The following VSTM2L variants were observed in gnomAD, a reference collection of about 807,000 sequenced individuals.
VSTM2L encodes the protein V-set and transmembrane domain-containing protein 2-like protein.
VSTM2L carries 9 observed loss-of-function variants against 19.9 expected under a neutral mutation model. The ratio of observed to expected loss-of-function variants is 0.45; its 90% CI spans 0.27 to 0.79. VSTM2L has a LOEUF of 0.79. VSTM2L is among the 30% of genes least tolerant of loss of function. VSTM2L has a pLI of 0.15. For synonymous variants in VSTM2L, 127 were observed against 133.8 expected, an observed-to-expected ratio of 0.95 and a Z score of 0.35; for missense variants, 286 against 295.5, an observed-to-expected ratio of 0.97 and a Z score of 0.24.
chr20:37,911,378 T>C (rs1201077679), intron 1 of VSTM2L, among the ~76,000 whole-genome samples: 1 of 152,070 alleles, frequency 6.6e-6, no homozygotes, highest in Non-Finnish European at 1.5e-5. Context: ...TACCCGTTAT[T>C]AGCTGGGGAT....
intron 1 of VSTM2L, among the ~76,000 whole-genome samples, chr20:37,911,947 G>A (rs761479846): frequency 6.6e-6 from 1 of 152,140 alleles, no homozygotes; most frequent in East Asian, 1.9e-4. Flanking sequence ...GAGCTGGTGG[G>A]AGTGGTAGGA....
intron 3 of VSTM2L, among the ~76,000 whole-genome samples, chr20:37,933,994 G>A (rs1568841940): frequency 6.6e-6 from 1 of 152,228 alleles, no homozygotes; most frequent in African/African-American, 2.4e-5. Context: ...GGGACGGGGT[G>A]GGGGCACCCT....
At chr20:37,918,577 TAA>T (rs1266494680) in intron 1 of VSTM2L, among the ~76,000 whole-genome samples, 2 of 152,220 alleles carry the variant, frequency 1.3e-5, no homozygotes, top group African/African-American at 4.8e-5. Flanking sequence ...ATGGCGGTAA[TAA>T]AAGTCTTCTT....
rs958952392 is a variant in VSTM2L at position 37,930,304 on chromosome 20, G to T, written c.122-1331G>T. 2.0e-5 allele frequency among the ~76,000 whole-genome samples: 3 copies of T among 152,184 alleles called. No homozygotes were observed. The South Asian group carries it at 6.2e-4, about 32-fold the overall frequency. On this transcript the variant is annotated intron_variant, in intron 1 of 3. Transcript: ENST00000373461. The stretch of plus-strand genomic sequence containing the variant: ...TGAGAGAGGTGGCCCCAGAGCAGGG[G>T]CCTGAATCTAGGATTTCACCTCCTA...
chr20:37,943,635 T>G (rs1459511138), intron 3 of VSTM2L, among the ~76,000 whole-genome samples: 1 of 152,000 alleles, frequency 6.6e-6, no homozygotes, highest in East Asian at 1.9e-4. Context: ...TGTCTGTGTT[T>G]GTTTACATAA....
chr20:37,929,029 C>T (rs1256527254), intron 1 of VSTM2L, among the ~76,000 whole-genome samples: 1 of 152,224 alleles, frequency 6.6e-6, no homozygotes, highest in Non-Finnish European at 1.5e-5. Context: ...ACACCCTCCT[C>T]ATGGCAGAAA....
intron 3 of VSTM2L, 126 bp downstream of exon 3, chr20:37,933,715 G>A: frequency 4.5e-6 from 4 of 883,804 alleles, no homozygotes; most frequent in Non-Finnish European, 3.4e-6. Flanking sequence ...AAAAGAGAAG[G>A]GAAAAAAATG....
intron 1 of VSTM2L, among the ~76,000 whole-genome samples, chr20:37,915,576 A>G (rs1045497618): frequency 1.3e-5 from 2 of 152,006 alleles, no homozygotes; most frequent in Non-Finnish European, 2.9e-5. Flanking sequence ...CACAGCACCC[A>G]TTTTACAGAT....
chr20:37,932,911 TGAAA>T (rs1568841529), intron 2 of VSTM2L, among the ~76,000 whole-genome samples: 1 of 152,242 alleles, frequency 6.6e-6, no homozygotes. Flanking sequence ...CCCATGTTCA[TGAAA>T]GAGTGTCTCA....
At chr20:37,926,992 G>A (rs1190459809) in intron 1 of VSTM2L, among the ~76,000 whole-genome samples, 1 of 152,216 alleles carries the variant, frequency 6.6e-6, no homozygotes, top group African/African-American at 2.4e-5. Flanking sequence ...TTCCAAGACG[G>A]AGTCTTGCTG....
chr20:37,909,476 G>T (rs2072768026), intron 1 of VSTM2L, among the ~76,000 whole-genome samples: 2 of 152,230 alleles, frequency 1.3e-5, no homozygotes, highest in Non-Finnish European at 2.9e-5. Flanking sequence ...TGAATGAATG[G>T]ATGACGAGGA....
At chr20:37,914,360 G>A (rs2072800124) in intron 1 of VSTM2L, among the ~76,000 whole-genome samples, 2 of 149,982 alleles carry the variant, frequency 1.3e-5, no homozygotes, top group Non-Finnish European at 3.0e-5. Context: ...TGTGTGGGGT[G>A]TTTATATATG....
At chr20:37,942,240 G>A (rs560480287) in intron 3 of VSTM2L, among the ~76,000 whole-genome samples, 61 of 152,322 alleles carry the variant, frequency 4.0e-4, no homozygotes, top group African/African-American at 1.3e-3. Context: ...CTGGCACTTC[G>A]GGAGGCTGAG....
Position 37,944,408 on chromosome 20 carries a change from C to T in VSTM2L, c.*155C>T. 1 of 1,268,172 alleles carries T rather than the reference C, an allele frequency of 7.9e-7. No individual in the cohort carries two copies. The highest frequency in any genetic ancestry group is 1.0e-6 in the Non-Finnish European group (1 of 978,216). 78.6% of individuals were successfully genotyped at this position (1,268,172 alleles called of 1,614,324 possible). A position where few individuals can be genotyped will look rare whatever the true frequency, so the allele number is the denominator to read the frequency against. ...TCGGCCCTCTTTCCACCACCCCTTG[C>T]TCAGCATGTAAGCCCCACCCACCCC... On this transcript the variant is annotated 3_prime_UTR_variant, in exon 4 of 4. Coordinates refer to ENST00000373461, the MANE Select transcript of VSTM2L (RefSeq NM_080607.3).
intron 1 of VSTM2L, among the ~76,000 whole-genome samples, chr20:37,915,888 T>C (rs2072815745): frequency 6.6e-6 from 1 of 152,104 alleles, no homozygotes; most frequent in Non-Finnish European, 1.5e-5. Flanking sequence ...TCTGTCCCTG[T>C]CCGTTGGTCT....
At chr20:37,906,049 G>A (rs1371802282) in intron 1 of VSTM2L, among the ~76,000 whole-genome samples, 1 of 140,000 alleles carries the variant, frequency 7.1e-6, no homozygotes, top group Non-Finnish European at 1.6e-5. Context: ...CTGTGTCTGG[G>A]GGTGGGGGGT....
intron 1 of VSTM2L, among the ~76,000 whole-genome samples, chr20:37,904,642 A>G (rs1023659286): frequency 1.3e-5 from 2 of 152,236 alleles, no homozygotes; most frequent in African/African-American, 4.8e-5. Flanking sequence ...CTGCAGCCCC[A>G]GTGCTGGGCA....
intron 1 of VSTM2L, among the ~76,000 whole-genome samples, chr20:37,914,665 C>T (rs1398972530): frequency 1.3e-5 from 2 of 152,106 alleles, no homozygotes; most frequent in East Asian, 1.9e-4. Context: ...CTTAGAGAAG[C>T]CAGAAGCACA....
chr20:37,933,622 C>G, intron 3 of VSTM2L, 33 bp downstream of exon 3: 1 of 1,611,626 alleles, frequency 6.2e-7, no homozygotes, highest in Non-Finnish European at 8.5e-7. Flanking sequence ...CGAAAGGGCT[C>G]TAATGGAGGG....
Sources: allele counts gnomAD v4.1 joint callset (sites outside exome capture counted in the v4.1 genomes callset), GRCh38; gene constraint gnomAD v4.1.1; transcripts MANE v1.5; gene names NCBI Gene and HGNC (gene_info 2026-07-23, HGNC 2026-07-21).